The following PRKN variants were observed in gnomAD, a reference collection of about 807,000 sequenced individuals.
PRKN encodes E3 ubiquitin-protein ligase parkin.
In PRKN, 56 loss-of-function variants were observed where a neutral mutation model predicts 59.5. That is an observed-to-expected ratio of 0.94 (90% confidence interval 0.76 to 1.18). The LOEUF (loss-of-function observed/expected upper bound fraction) is 1.18, where lower values mean the gene tolerates loss of function less well. Ranked by LOEUF, PRKN falls within the 50% of genes most tolerant of loss-of-function variation. The probability of loss-of-function intolerance (pLI) is 0.00; values close to 1 mark genes in which losing one functional copy is unlikely to be tolerated. For missense variants in PRKN, 657 were observed against 596.4 expected (o/e 1.10, Z -1.06); for synonymous variants, 250 against 222.1 (o/e 1.13, Z -1.12).
chr6:162,424,747 A>C (rs1372474412), intron 2 of PRKN, among the ~76,000 whole-genome samples: 2 of 151,866 alleles, frequency 1.3e-5, no homozygotes, highest in Non-Finnish European at 1.5e-5. Context: ...AGAAAAAAAA[A>C]AAAAAGAAAA....
intron 1 of PRKN, among the ~76,000 whole-genome samples, chr6:162,479,863 G>A (rs1583645187): frequency 6.6e-6 from 1 of 151,634 alleles, no homozygotes; most frequent in African/African-American, 2.4e-5. Context: ...TCAAGAGATT[G>A]AGACCATCCT....
At chr6:161,765,449 A>C (rs923880885) in intron 7 of PRKN, among the ~76,000 whole-genome samples, 6 of 152,208 alleles carry the variant, frequency 3.9e-5, no homozygotes, top group African/African-American at 1.4e-4. Flanking sequence ...ATTACAGCCT[A>C]GACGTTTGCT....
intron 1 of PRKN, among the ~76,000 whole-genome samples, chr6:162,644,467 A>T (rs1357121847): frequency 6.6e-6 from 1 of 152,200 alleles, no homozygotes; most frequent in African/African-American, 2.4e-5. Flanking sequence ...CAGCCCGCAC[A>T]GACCTAATCC....
rs779365065 is a variant in PRKN, at chr6:161,410,081, G to A, written c.1084-23204C>T. Among the ~76,000 whole-genome samples the A allele has an allele frequency of 4.6e-5, 7 of 151,828 alleles. No individual in the cohort carries two copies. The highest frequency in any genetic ancestry group is 8.8e-5 in the Non-Finnish European group (6 of 67,976). The stretch of plus-strand genomic sequence containing the variant: ...CATAGGTGTAGGCTCTGGGCAGCCC[G>A]TGCATCTGCTGGGTCAGCGGTCTGG... On this transcript the variant is annotated intron_variant, in intron 9 of 11. Coordinates refer to ENST00000366898, the MANE Select transcript of PRKN (RefSeq NM_004562.3). The surrounding 1 kb of genome is among the most constrained non-coding windows in gnomAD (Gnocchi z 5.3).
chr6:162,000,206 G>A (rs1007672228), intron 5 of PRKN, among the ~76,000 whole-genome samples: 1 of 151,944 alleles, frequency 6.6e-6, no homozygotes, highest in Non-Finnish European at 1.5e-5. Context: ...GTTTAGTTTT[G>A]TAAAAAACTG....
intron 4 of PRKN, among the ~76,000 whole-genome samples, chr6:162,057,849 A>G (rs916319458): frequency 1.3e-5 from 2 of 152,242 alleles, no homozygotes; most frequent in Admixed American, 6.5e-5. Flanking sequence ...TAGTCATAAC[A>G]TTCATACTAA....
chr6:161,897,986 T>TAAAAAAA, intron 6 of PRKN, among the ~76,000 whole-genome samples: 1 of 61,762 alleles, frequency 1.6e-5, no homozygotes. Context: ...AAAAAAAAAG[T>TAAAAAAA]CTCCCAGTTG....
chr6:161,441,951 C>G (rs1035934049), intron 9 of PRKN, among the ~76,000 whole-genome samples: 1 of 152,120 alleles, frequency 6.6e-6, no homozygotes, highest in Admixed American at 6.5e-5. Flanking sequence ...ATAAAGCTGG[C>G]CCTGCCTCAT....
intron 2 of PRKN, chr6:162,275,449 C>G (rs1054214717): frequency 6.6e-6 from 1 of 152,072 alleles, no homozygotes; most frequent in African/African-American, 2.4e-5. Flanking sequence ...TAAGTTGACT[C>G]TAGCAATGAA....
intron 5 of PRKN, among the ~76,000 whole-genome samples, chr6:162,046,491 G>A (rs1315911971): frequency 6.6e-6 from 1 of 152,210 alleles, no homozygotes; most frequent in African/African-American, 2.4e-5. Flanking sequence ...GAAAGATGGC[G>A]TCATAGACTA....
chr6:162,238,926 A>G (rs1326317364), intron 3 of PRKN, among the ~76,000 whole-genome samples: 1 of 152,164 alleles, frequency 6.6e-6, no homozygotes, highest in Non-Finnish European at 1.5e-5. Flanking sequence ...GTGGCTGTGC[A>G]CCAGTGACAG....
chr6:162,506,078 GGCA>G (rs1793594063), intron 1 of PRKN, among the ~76,000 whole-genome samples: 1 of 151,980 alleles, frequency 6.6e-6, no homozygotes, highest in Non-Finnish European at 1.5e-5. Flanking sequence ...GAAGAAAAGG[GGCA>G]GCCAAAGAAG....
At chr6:162,453,740 TAAAA>T (rs948426712) in intron 1 of PRKN, among the ~76,000 whole-genome samples, 27 of 152,048 alleles carry the variant, frequency 1.8e-4, no homozygotes, top group Admixed American at 7.9e-4. Context: ...CCATCTCTAC[TAAAA>T]ATATCAAAAT....
At chr6:162,478,053 A>G (rs1755013360) in intron 1 of PRKN, among the ~76,000 whole-genome samples, 2 of 152,144 alleles carry the variant, frequency 1.3e-5, no homozygotes, top group Non-Finnish European at 2.9e-5. Context: ...GCACAGGGCG[A>G]ACATGGTTAT....
intron 2 of PRKN, among the ~76,000 whole-genome samples, chr6:162,359,408 T>G (rs528297620): frequency 3.8e-4 from 58 of 152,206 alleles, no homozygotes; most frequent in African/African-American, 1.3e-3. Flanking sequence ...TTAACTCACC[T>G]TGTCCAAAGT....
In PRKN at chr6:161,502,781, G is replaced by A. The variant is rs1207411259; in HGVS notation, c.1083+46073C>T. 1.3e-5 allele frequency among the ~76,000 whole-genome samples: 2 copies of A among 152,144 alleles called. No individual in the cohort carries two copies. Among genetic ancestry groups the A allele is most frequent in the Non-Finnish European group, 1.5e-5 (1 of 68,032 alleles). The stretch of plus-strand genomic sequence containing the variant: ...GAGGTGGCTCTGATCCATGCTCTAC[G>A]GTGAATGTGTGGGAAGGACAGGTGT... On this transcript the variant is annotated intron_variant, in intron 9 of 11. Transcript: ENST00000366898. The surrounding 1 kb of genome is among the most constrained non-coding windows in gnomAD (Gnocchi z 4.0).
intron 1 of PRKN, among the ~76,000 whole-genome samples, chr6:162,508,716 C>G (rs971179213): frequency 2.6e-5 from 4 of 152,012 alleles, no homozygotes; most frequent in Admixed American, 6.6e-5. Context: ...GCATTTTTAC[C>G]CAGCAGCATC....
chr6:161,966,514 C>T (rs1010291995), intron 6 of PRKN, among the ~76,000 whole-genome samples: 1 of 152,112 alleles, frequency 6.6e-6, no homozygotes, highest in South Asian at 2.1e-4. Context: ...CTTAGGCACC[C>T]AAAAAAGTCC....
chr6:162,321,138 A>G (rs926457149), intron 2 of PRKN, among the ~76,000 whole-genome samples: 1 of 151,918 alleles, frequency 6.6e-6, no homozygotes, highest in Non-Finnish European at 1.5e-5. Context: ...CAGGCTGATC[A>G]GGAAATAAAG....
Sources: gnomAD v4.1 joint callset for allele counts (sites outside exome capture counted in the v4.1 genomes callset) on GRCh38, gnomAD v4.1.1 for gene constraint, Gnocchi (gnomAD v3.1) non-coding constraint, MANE v1.5 for transcripts, NCBI Gene and HGNC (gene_info 2026-07-23, HGNC 2026-07-21) for gene names.